The following CUX1 variants were observed in gnomAD, a reference collection of about 807,000 sequenced individuals.
The protein encoded by CUX1 is cut like homeobox 1.
Under a neutral mutation model 158.8 loss-of-function variants are expected in CUX1, and 31 were observed. The ratio of observed to expected loss-of-function variants is 0.20; its 90% CI spans 0.15 to 0.26. The LOEUF (loss-of-function observed/expected upper bound fraction) is 0.26. Among genes scored for constraint, CUX1 ranks in the 10% least tolerant of loss-of-function variants. CUX1 has a pLI of 1.00. For missense variants in CUX1, 1,589 were observed against 2,014.6 expected (o/e 0.79, Z 4.04); for synonymous variants, 879 against 862.1 (o/e 1.02, Z -0.34).
At chr7:101,976,001 G>T (rs1256312463) in intron 2 of CUX1, among the ~76,000 whole-genome samples, 1 of 152,128 alleles carries the variant, frequency 6.6e-6, no homozygotes, top group African/African-American at 2.4e-5. Flanking sequence ...GCGTTGTGAT[G>T]GATGCCTGTA....
intron 2 of CUX1, among the ~76,000 whole-genome samples, chr7:101,976,799 AG>A (rs1240660073): frequency 6.6e-6 from 1 of 151,758 alleles, no homozygotes; most frequent in Non-Finnish European, 1.5e-5. Context: ...GTCACAGTTC[AG>A]GGGAAACAAA....
chr7:101,816,498 G>T (rs1311681403), upstream of CUX1, among the ~76,000 whole-genome samples: 16 of 140,674 alleles, frequency 1.1e-4, no homozygotes, highest in African/African-American at 7.6e-5. Context: ...GCGCGCGAGC[G>T]GGGAGCGGGG....
At chr7:102,271,744 T>C (rs115697296) in intron 14 of CUX1, among the ~76,000 whole-genome samples, 1,593 of 152,230 alleles carry the variant, frequency 0.01, 22 homozygotes, top group African/African-American at 0.037. Context: ...GAAATCCATT[T>C]AGGGGCCCAG....
At chr7:102,105,216 G>C (rs896303015) in intron 6 of CUX1, among the ~76,000 whole-genome samples, 10 of 129,740 alleles carry the variant, frequency 7.7e-5, no homozygotes, top group South Asian at 2.7e-4. Context: ...CACACACACA[G>C]ACTCTCTGAT....
At chr7:101,939,615 T>C (rs1161644253) in intron 2 of CUX1, among the ~76,000 whole-genome samples, 2 of 152,020 alleles carry the variant, frequency 1.3e-5, no homozygotes, top group Non-Finnish European at 2.9e-5. Context: ...GTGGATCGCT[T>C]GAGCCCAGGA....
intron 7 of CUX1, chr7:102,111,977 A>G (rs980567029): frequency 2.0e-4 from 108 of 546,230 alleles, no homozygotes; most frequent in Non-Finnish European, 1.3e-4. Flanking sequence ...TTGTTAATGT[A>G]GAGGTGGGAG....
intron 3 of CUX1, among the ~76,000 whole-genome samples, chr7:102,056,237 C>A (rs367862573): frequency 5.9e-5 from 9 of 152,350 alleles, no homozygotes; most frequent in South Asian, 4.1e-4. Context: ...GATGATGGCG[C>A]TACACAACAG....
At chr7:102,280,885 C>A in intron 20 of CUX1, 1 of 1,605,728 alleles carries the variant, frequency 6.2e-7, no homozygotes, top group South Asian at 1.1e-5. Context: ...CTACCCACCC[C>A]CTCCCTGGAC....
intron 2 of CUX1, among the ~76,000 whole-genome samples, chr7:101,984,105 T>C (rs1201390812): frequency 5.9e-5 from 2 of 34,130 alleles, no homozygotes; most frequent in African/African-American, 1.1e-4. Context: ...TATATATATA[T>C]ATATATATAT....
exon 19 of CUX1, chr7:102,280,085 G>A (rs1392207041): frequency 1.2e-6 from 2 of 1,610,874 alleles, no homozygotes; most frequent in African/African-American, 1.3e-5. Flanking sequence ...CCAGTACGAG[G>A]AGCGCCTGGA....
At chr7:102,216,724 GCACA>G (rs202109738) in intron 20 of CUX1, among the ~76,000 whole-genome samples, 16 of 102,546 alleles carry the variant, frequency 1.6e-4, no homozygotes, top group African/African-American at 5.7e-4. Flanking sequence ...ACACACACAT[GCACA>G]CAGAGTCCCA....
At chr7:101,989,101 G>A (rs1321386623) in intron 2 of CUX1, among the ~76,000 whole-genome samples, 1 of 152,106 alleles carries the variant, frequency 6.6e-6, no homozygotes, top group Non-Finnish European at 1.5e-5. Context: ...CCTCCTCCAA[G>A]GCTCGGCTCA....
chr7:101,978,294 C>G (rs1812973685), intron 2 of CUX1, among the ~76,000 whole-genome samples: 1 of 152,212 alleles, frequency 6.6e-6, no homozygotes, highest in African/African-American at 2.4e-5. Context: ...ACACACACCG[C>G]CTGCACCACC....
At chr7:102,117,503 C>T (rs1249574991) in intron 8 of CUX1, among the ~76,000 whole-genome samples, 1 of 151,030 alleles carries the variant, frequency 6.6e-6, no homozygotes, top group South Asian at 2.1e-4. Context: ...TTGAATGAGC[C>T]AGAGCGGGGA....
chr7:102,223,069 G>C (rs1405571971), intron 20 of CUX1, among the ~76,000 whole-genome samples: 1 of 151,298 alleles, frequency 6.6e-6, no homozygotes, highest in Non-Finnish European at 1.5e-5. Context: ...CTCCCAAAGT[G>C]CTGGGATTAC....
chr7:102,158,611 A>G lies in CUX1; in HGVS notation c.723+3A>G. The G allele has an allele frequency of 6.2e-7, 1 of 1,614,108 alleles. No individual in the cohort carries two copies. Among genetic ancestry groups the G allele is most frequent in the Non-Finnish European group, 8.5e-7 (1 of 1,179,964 alleles). ...CGGACCTTGAAAGGGCAAACCAGGT[A>G]GGACCCTGGACGCTTTTAGTCCTAA... On this transcript the variant is annotated splice_donor_region_variant and intron_variant, in intron 9 of 23. Coordinates refer to ENST00000292535, the MANE Select transcript of CUX1 (RefSeq NM_181552.4).
At chr7:102,113,347 T>C (rs868960239) in intron 7 of CUX1, among the ~76,000 whole-genome samples, 1 of 152,182 alleles carries the variant, frequency 6.6e-6, no homozygotes, top group African/African-American at 2.4e-5. Context: ...CAAGTGATTC[T>C]TCTGCCCCAG....
At chr7:101,852,490 C>T (rs1796368436) in intron 1 of CUX1, among the ~76,000 whole-genome samples, 1 of 151,768 alleles carries the variant, frequency 6.6e-6, no homozygotes, top group African/African-American at 2.4e-5. Flanking sequence ...TCGTGGCACA[C>T]ACCTGTAGTC....
chr7:102,011,044 C>T (rs758774814), intron 2 of CUX1, among the ~76,000 whole-genome samples: 19 of 151,576 alleles, frequency 1.3e-4, no homozygotes, highest in Middle Eastern at 3.2e-3. Context: ...ACCTGGGAGG[C>T]GGAGGTTGCA....
Sources: allele counts gnomAD v4.1 joint callset (sites outside exome capture counted in the v4.1 genomes callset), GRCh38; gene constraint gnomAD v4.1.1; transcripts MANE v1.5; gene names NCBI Gene and HGNC (gene_info 2026-07-23, HGNC 2026-07-21).